NGEF: variants seen among roughly 807,000 people sequenced by gnomAD.
NGEF encodes the protein neuronal guanine nucleotide exchange factor.
A neutral mutation model predicts 80.9 loss-of-function variants in NGEF; 31 were observed. The ratio of observed to expected loss-of-function variants is 0.38; its 90% CI spans 0.29 to 0.52. NGEF has a LOEUF of 0.52. NGEF is among the 20% of genes least tolerant of loss of function. NGEF has a pLI of 0.84. For missense variants in NGEF, 709 were observed against 926.2 expected (o/e 0.77, Z 3.04); for synonymous variants, 371 against 370.2 (o/e 1.00, Z -0.03).
At chr2:232,924,613 G>A (rs1693021161) in intron 4 of NGEF, among the ~76,000 whole-genome samples, 2 of 152,178 alleles carry the variant, frequency 1.3e-5, no homozygotes, top group Admixed American at 6.5e-5. Context: ...AGGATGTGAT[G>A]CCTGGAGCTA....
intron 5 of NGEF, among the ~76,000 whole-genome samples, chr2:232,915,950 C>CA: frequency 6.6e-6 from 1 of 152,194 alleles, no homozygotes; most frequent in Non-Finnish European, 1.5e-5. Context: ...CTTGGCCTCC[C>CA]AAAATGCTAG....
At chr2:232,882,332 G>A in intron 12 of NGEF, 67 bp from the exon 13 acceptor site, 1 of 1,408,298 alleles carries the variant, frequency 7.1e-7, no homozygotes, top group Non-Finnish European at 1.0e-6. Flanking sequence ...TGTGGCACGA[G>A]GCTTCCCAGC....
At chr2:232,962,467 T>A (rs1430538367) in intron 3 of NGEF, among the ~76,000 whole-genome samples, 2 of 151,922 alleles carry the variant, frequency 1.3e-5, no homozygotes, top group Non-Finnish European at 2.9e-5. Flanking sequence ...GAGAATCACT[T>A]GAGCCCAGGA....
At position 232,879,439 on chromosome 2, in the gene NGEF, C is replaced by T; in HGVS notation, c.*50G>A. On this transcript the variant is annotated 3_prime_UTR_variant, in exon 15 of 15. Coordinates refer to ENST00000264051, the MANE Select transcript of NGEF (RefSeq NM_019850.3). ...CCCAGAGCCCCCCCCCCCCCACCTT[C>T]TGTCGGGGTCTCATGCAGGCCCTGC... 1.7e-6 allele frequency: 2 copies of T among 1,207,774 alleles called. No individual in the cohort carries two copies. The highest frequency in any genetic ancestry group is 1.5e-5 in the South Asian group (1 of 68,716). 74.8% of individuals were successfully genotyped at this position (1,207,774 alleles called of 1,614,324 possible).
chr2:232,915,660 G>A (rs1575014019), intron 5 of NGEF, among the ~76,000 whole-genome samples: 1 of 152,034 alleles, frequency 6.6e-6, no homozygotes, highest in Non-Finnish European at 1.5e-5. Context: ...GCATGGCAAC[G>A]TCTCCTCTTG....
At position 232,920,410 on chromosome 2, in the gene NGEF, C is replaced by T; in HGVS notation, c.702G>A (p.Lys234=). ...EEEPASPPER[K]TLPQICLLSN... ...TGAGCAGGCAGATCTGGGGCAGAGT[C>T]TTCCTCTCTGGTGGGCTGGCCGGCT... is the stretch of plus-strand genomic sequence containing the variant. The change falls in exon 5 of 15, where the codon AAG becomes AAA. Residue 234 remains lysine, a synonymous_variant. Coordinates refer to ENST00000264051, the MANE Select transcript of NGEF (RefSeq NM_019850.3). 1 of 1,614,064 alleles carries T rather than the reference C, an allele frequency of 6.2e-7. No homozygotes were observed. Among genetic ancestry groups the T allele is most frequent in the Non-Finnish European group, 8.5e-7 (1 of 1,179,968 alleles).
chr2:232,935,282 C>A (rs1165928540), intron 3 of NGEF, among the ~76,000 whole-genome samples: 3 of 152,174 alleles, frequency 2.0e-5, no homozygotes, highest in Non-Finnish European at 2.9e-5. Context: ...TGGTTCAATG[C>A]TTTTATTTTA....
intron 2 of NGEF, among the ~76,000 whole-genome samples, chr2:232,973,895 AG>A (rs1694242206): frequency 6.6e-6 from 1 of 152,160 alleles, no homozygotes; most frequent in Non-Finnish European, 1.5e-5. Flanking sequence ...GCACTGATGA[AG>A]TCTCTGGATT....
chr2:232,922,806 A>C (rs1441250171), intron 4 of NGEF, among the ~76,000 whole-genome samples: 1 of 152,208 alleles, frequency 6.6e-6, no homozygotes, highest in Non-Finnish European at 1.5e-5. Flanking sequence ...GTGGTGGTTC[A>C]TGCCTGTAAT....
At chr2:232,906,710 G>T in intron 5 of NGEF, among the ~76,000 whole-genome samples, 1 of 148,474 alleles carries the variant, frequency 6.7e-6, no homozygotes, top group Non-Finnish European at 1.5e-5. Flanking sequence ...AACGGGCCAT[G>T]ATGACAATGG....
chr2:232,924,480 A>C (rs1403890938), intron 4 of NGEF, among the ~76,000 whole-genome samples: 1 of 152,136 alleles, frequency 6.6e-6, no homozygotes, highest in East Asian at 1.9e-4. Context: ...AGCAACTGGA[A>C]CAGATTAAGA....
chr2:232,946,029 T>G (rs1037431961), intron 3 of NGEF, among the ~76,000 whole-genome samples: 1 of 148,446 alleles, frequency 6.7e-6, no homozygotes, highest in East Asian at 2.0e-4. Flanking sequence ...TATATATATC[T>G]ATATGCAATA....
chr2:232,992,521 G>C (rs918301920), intron 1 of NGEF, among the ~76,000 whole-genome samples: 1 of 151,984 alleles, frequency 6.6e-6, no homozygotes, highest in African/African-American at 2.4e-5. Flanking sequence ...TTGTGCCACT[G>C]CACTCCAGCC....
intron 8 of NGEF, among the ~76,000 whole-genome samples, chr2:232,890,492 T>C (rs1296795031): frequency 6.6e-6 from 1 of 152,052 alleles, no homozygotes; most frequent in African/African-American, 2.4e-5. Flanking sequence ...GCCCAACTTC[T>C]CCCTTTAACT....
intron 1 of NGEF, among the ~76,000 whole-genome samples, chr2:232,979,385 C>T (rs1355747330): frequency 7.7e-6 from 1 of 130,276 alleles, no homozygotes; most frequent in Non-Finnish European, 1.6e-5. Flanking sequence ...CACACACACA[C>T]ACACACACAC....
chr2:232,881,242 G>A lies in NGEF; in HGVS notation c.1846C>T (p.Gln616Ter). Residue 616 changes from glutamine to a stop codon, truncating the protein, a stop_gained, in exon 14 of 15, where the codon CAG (glutamine) becomes TAG (stop). Transcript: ENST00000264051. LOFTEE classifies it high-confidence loss of function. ...ACGTATGGGTGCACGCACTGGACCT[G>A]GGGGCAGTCTGAGGGACAAGAGGCA... ...SFTSRLLDCPQVQCVHPYVAQ... is the reference protein window; with the variant it reads ...SFTSRLLDCP 1 of 1,607,192 alleles carries A rather than the reference G, an allele frequency of 6.2e-7. No homozygotes were observed. The highest frequency in any genetic ancestry group is 8.5e-7 in the Non-Finnish European group (1 of 1,179,736).
At chr2:233,000,080 G>A (rs915396124) in intron 1 of NGEF, among the ~76,000 whole-genome samples, 4 of 152,156 alleles carry the variant, frequency 2.6e-5, no homozygotes, top group Admixed American at 2.0e-4. Flanking sequence ...TCTGGTGAGG[G>A]CCCCATCCTG....
At chr2:232,888,721 G>A (rs1017753450) in intron 8 of NGEF, among the ~76,000 whole-genome samples, 3 of 152,206 alleles carry the variant, frequency 2.0e-5, no homozygotes, top group Admixed American at 1.3e-4. Context: ...GGGGTAGGGG[G>A]ACCAAGGGCT....
rs60185884 is a variant in NGEF, at chr2:232,883,300, G to A, written c.1757+11C>T. 2,839 of 1,583,928 alleles carry A rather than the reference G, an allele frequency of 1.8e-3. 33 individuals are homozygous for A. The Admixed American group carries it at 0.026, about 14-fold the overall frequency. On this transcript the variant is annotated intron_variant, in intron 12 of 14. Coordinates refer to ENST00000264051, the MANE Select transcript of NGEF (RefSeq NM_019850.3). ...CGGGTAGCACTGGGCGTGTGGCGGC[G>A]AGGCACTCACTGAGAGGACGCCTTT...
Sources: allele counts gnomAD v4.1 joint callset (sites outside exome capture counted in the v4.1 genomes callset), GRCh38; gene constraint gnomAD v4.1.1; transcripts MANE v1.5; gene names NCBI Gene and HGNC (gene_info 2026-07-23, HGNC 2026-07-21).